Variants in LYPLA1 observed in about 807,000 individuals in gnomAD.
LYPLA1 encodes acyl-protein thioesterase 1.
In LYPLA1, 17 loss-of-function variants were observed where a neutral mutation model predicts 34.0. The observed-to-expected ratio is 0.50, with a 90% CI of 0.34 to 0.75. LYPLA1 has a LOEUF of 0.75. Ranked by LOEUF, LYPLA1 falls within the 30% of genes least tolerant of loss-of-function variation. The pLI is 0.01. For missense variants in LYPLA1, 203 were observed against 288.8 expected, an observed-to-expected ratio of 0.70 and a Z score of 2.15; for synonymous variants, 98 against 100.8, an observed-to-expected ratio of 0.97 and a Z score of 0.17.
chr8:54,057,208 T>A (rs1223416885), intron 5 of LYPLA1, among the ~76,000 whole-genome samples: 1 of 152,148 alleles, frequency 6.6e-6, no homozygotes, highest in African/African-American at 2.4e-5. Context: ...GTTCCTCAAA[T>A]AACTAAAAAT....
intron 7 of LYPLA1, among the ~76,000 whole-genome samples, 193 bp downstream of exon 7, chr8:54,052,462 G>C (rs1805910475): frequency 6.6e-6 from 1 of 152,068 alleles, no homozygotes; most frequent in Non-Finnish European, 1.5e-5. Flanking sequence ...CTGATGGTGG[G>C]GAGGCTGTGC....
intron 2 of LYPLA1, among the ~76,000 whole-genome samples, chr8:54,069,926 C>G (rs1329495357): frequency 6.6e-6 from 1 of 152,066 alleles, no homozygotes; most frequent in Non-Finnish European, 1.5e-5. Flanking sequence ...AAATGCAAAC[C>G]AAAACCACTG....
rs972320465 is a variant in LYPLA1, at chr8:54,090,213, C to T, written c.101+10695G>A. On this transcript the variant is annotated intron_variant, in intron 2 of 8. Coordinates refer to ENST00000316963, the MANE Select transcript of LYPLA1 (RefSeq NM_006330.4). The stretch of plus-strand genomic sequence containing the variant: ...GGCTATAAATGCCCTCATCTTGCCA[C>T]GGTTCTTCTAGGCCTCTTTAGGGTT... Among the ~76,000 whole-genome samples, 13 of 152,224 alleles carry T rather than the reference C, an allele frequency of 8.5e-5. No individual in the cohort carries two copies. In the East Asian group the frequency reaches 1.2e-3, roughly 14 times the overall value.
chr8:54,078,825 A>G (rs1029738239), intron 2 of LYPLA1, among the ~76,000 whole-genome samples: 5 of 152,028 alleles, frequency 3.3e-5, no homozygotes, highest in Non-Finnish European at 7.4e-5. Context: ...GTTATGAGCT[A>G]TATCAATTGA....
downstream of LYPLA1, chr8:54,042,987 T>C (rs1404047241): frequency 3.9e-5 from 6 of 152,270 alleles, no homozygotes; most frequent in African/African-American, 1.4e-4. Flanking sequence ...TAACATTCCA[T>C]TGAGTAAATG....
At chr8:54,054,263 G>A (rs1377384696) in intron 6 of LYPLA1, among the ~76,000 whole-genome samples, 3 of 152,088 alleles carry the variant, frequency 2.0e-5, no homozygotes, top group Non-Finnish European at 2.9e-5. Flanking sequence ...GATTACAGGC[G>A]TGAGCCACCG....
chr8:54,084,727 G>C (rs1042392984), intron 2 of LYPLA1, among the ~76,000 whole-genome samples: 8 of 152,058 alleles, frequency 5.3e-5, no homozygotes, highest in African/African-American at 1.4e-4. Context: ...CTACTAACTT[G>C]ACACATAGAA....
intron 2 of LYPLA1, among the ~76,000 whole-genome samples, chr8:54,093,556 G>T (rs190458328): frequency 7.9e-5 from 12 of 152,264 alleles, no homozygotes; most frequent in Admixed American, 1.3e-4. Flanking sequence ...TTGGACTTTT[G>T]GCCTGTTTAA....
chr8:54,091,688 C>T (rs1563664177), intron 2 of LYPLA1, among the ~76,000 whole-genome samples: 1 of 152,192 alleles, frequency 6.6e-6, no homozygotes, highest in Non-Finnish European at 1.5e-5. Flanking sequence ...AGTCCCCACT[C>T]AGCCACTATC....
At chr8:54,092,268 A>G (rs1320044484) in intron 2 of LYPLA1, among the ~76,000 whole-genome samples, 4 of 147,242 alleles carry the variant, frequency 2.7e-5, no homozygotes, top group Admixed American at 6.8e-5. Flanking sequence ...GAAGGAGGAG[A>G]AGGAGAAAGA....
Position 54,101,389 on chromosome 8 carries a change from A to G in LYPLA1, c.69+366T>C, listed in dbSNP as rs1039992486. ...AATCTTCAAACTTCTTTCATTGAGG[A>G]TAAGAGTGCGAGGTGACAATAAGGC... On this transcript the variant is annotated intron_variant, in intron 1 of 8. Coordinates refer to ENST00000316963, the MANE Select transcript of LYPLA1 (RefSeq NM_006330.4). The G allele has an allele frequency of 2.9e-5, 31 of 1,054,604 alleles. No homozygotes were observed. The African/African-American group carries it at 4.2e-4, about 14-fold the overall frequency. The allele number at this position is 1,054,604 out of a possible 1,614,324, so 65.3% of individuals were successfully genotyped here.
intron 2 of LYPLA1, among the ~76,000 whole-genome samples, chr8:54,098,509 T>C (rs921471410): frequency 2.6e-5 from 4 of 151,928 alleles, no homozygotes; most frequent in African/African-American, 7.3e-5. Context: ...CAAAACCCCA[T>C]CTCTACTAAA....
chr8:54,094,359 T>C (rs1054176358), intron 2 of LYPLA1, among the ~76,000 whole-genome samples: 4 of 152,068 alleles, frequency 2.6e-5, no homozygotes, highest in Admixed American at 1.3e-4. Flanking sequence ...AGAGGTCCCA[T>C]GAATGAAGCA....
intron 2 of LYPLA1, among the ~76,000 whole-genome samples, chr8:54,076,119 G>A (rs1401814806): frequency 3.3e-5 from 5 of 152,208 alleles, no homozygotes; most frequent in Non-Finnish European, 5.9e-5. Context: ...TGCTCTAGGA[G>A]CTTAACATAA....
chr8:54,092,096 G>A (rs1183529389), intron 2 of LYPLA1, among the ~76,000 whole-genome samples: 1 of 151,558 alleles, frequency 6.6e-6, no homozygotes, highest in Non-Finnish European at 1.5e-5. Context: ...GGAGGAAAAG[G>A]AGAAGGAAGA....
intron 2 of LYPLA1, among the ~76,000 whole-genome samples, chr8:54,090,257 G>A (rs987223201): frequency 6.6e-6 from 1 of 152,162 alleles, no homozygotes; most frequent in African/African-American, 2.4e-5. Context: ...CTCCCCTTCT[G>A]AGAATTTCTG....
chr8:54,078,299 A>G (rs1671850702), intron 2 of LYPLA1, among the ~76,000 whole-genome samples: 1 of 152,168 alleles, frequency 6.6e-6, no homozygotes, highest in East Asian at 1.9e-4. Flanking sequence ...ATAATCCAAT[A>G]CAATTTTCAA....
rs775973173 is a variant in LYPLA1, at chr8:54,101,746, G to A, written c.69+9C>T. 7.7e-7 allele frequency: 1 copy of A among 1,300,710 alleles called. No homozygotes were observed. The highest frequency in any genetic ancestry group is 9.9e-7 in the Non-Finnish European group (1 of 1,015,202). The allele number at this position is 1,300,710 out of a possible 1,614,324, so 80.6% of individuals were successfully genotyped here. A position where few individuals can be genotyped will look rare whatever the true frequency, so the allele number is the denominator to read the frequency against. ...TGGACCCCTCCGAGCCCACGCCTACGCCACTCACCGCAGCGGTGGCCTTCC... is the reference window on the plus strand; with the variant it reads ...TGGACCCCTCCGAGCCCACGCCTACACCACTCACCGCAGCGGTGGCCTTCC... On this transcript the variant is annotated intron_variant, in intron 1 of 8. Transcript: ENST00000316963.
intron 2 of LYPLA1, among the ~76,000 whole-genome samples, chr8:54,076,638 G>T (rs1471051550): frequency 6.6e-6 from 1 of 152,098 alleles, no homozygotes; most frequent in Non-Finnish European, 1.5e-5. Context: ...GAAGGTTGTG[G>T]GTTTACCGGA....
Sources: gnomAD v4.1 joint callset for allele counts (sites outside exome capture counted in the v4.1 genomes callset) on GRCh38, gnomAD v4.1.1 for gene constraint, MANE v1.5 for transcripts, NCBI Gene and HGNC (gene_info 2026-07-23, HGNC 2026-07-21) for gene names.